Variants in CGNL1 observed in about 807,000 individuals in gnomAD.
The protein encoded by CGNL1 is cingulin-like protein 1.
Under a neutral mutation model 141.2 loss-of-function variants are expected in CGNL1, and 132 were observed. The ratio of observed to expected loss-of-function variants is 0.93; its 90% CI spans 0.81 to 1.08. The LOEUF is 1.08. CGNL1 is among the 50% of genes least tolerant of loss of function. The pLI, the probability that CGNL1 is intolerant of heterozygous loss-of-function variation, is 0.00. For synonymous variants in CGNL1, 690 were observed against 622.1 expected (o/e 1.11, Z -1.63); for missense variants, 1,870 against 1,588.6 (o/e 1.18, Z -3.01).
intron 8 of CGNL1, among the ~76,000 whole-genome samples, chr15:57,500,334 G>A (rs984484464): frequency 1.3e-4 from 20 of 152,232 alleles, no homozygotes; most frequent in African/African-American, 3.6e-4. Context: ...TTGTCAGGGA[G>A]TGGGAGAGGA....
At chr15:57,457,230 C>G (rs117697929) in intron 7 of CGNL1, among the ~76,000 whole-genome samples, 6 of 152,280 alleles carry the variant, frequency 3.9e-5, no homozygotes. Context: ...TGATGTGGCA[C>G]GCTCATGCAC....
rs186540810 is a variant in CGNL1 at position 57,450,789 on chromosome 15, T to G, written c.1804-711T>G. Among the ~76,000 whole-genome samples, 265 of 152,254 alleles carry G rather than the reference T, an allele frequency of 1.7e-3. 3 individuals are homozygous for G. The highest frequency in any genetic ancestry group is 3.1e-4 in the Non-Finnish European group (21 of 68,018). ...ATATTTTTGTCTAGCTTTCATAGTT[T>G]TTGCTGGGAGGGTAAATCTGATATT... On this transcript the variant is annotated intron_variant, in intron 4 of 18. Coordinates refer to ENST00000281282, the MANE Select transcript of CGNL1 (RefSeq NM_032866.5).
intron 12 of CGNL1, chr15:57,527,227 T>C (rs1441568952): frequency 6.6e-6 from 1 of 150,536 alleles, no homozygotes; most frequent in Non-Finnish European, 1.5e-5. Context: ...TCTTCAAGGC[T>C]AGGCTGTTCT....
intron 8 of CGNL1, among the ~76,000 whole-genome samples, chr15:57,467,446 C>T (rs2063523510): frequency 6.6e-6 from 1 of 152,048 alleles, no homozygotes; most frequent in Non-Finnish European, 1.5e-5. Context: ...AGTGAGATGT[C>T]TGGGCTGGGC....
At chr15:57,489,641 T>C (rs1246128298) in intron 8 of CGNL1, among the ~76,000 whole-genome samples, 4 of 152,222 alleles carry the variant, frequency 2.6e-5, no homozygotes, top group Non-Finnish European at 5.9e-5. Flanking sequence ...ATATTAGTTG[T>C]CCCATCACTG....
chr15:57,402,093 A>G (rs1301917140), intron 1 of CGNL1: 1 of 152,210 alleles, frequency 6.6e-6, no homozygotes, highest in East Asian at 1.9e-4. Context: ...GTCCCCTGTA[A>G]ATCTCATGTT....
chr15:57,503,385 GTGC>G (rs2064054700), intron 8 of CGNL1, among the ~76,000 whole-genome samples: 1 of 152,220 alleles, frequency 6.6e-6, no homozygotes, highest in African/African-American at 2.4e-5. Flanking sequence ...GCCAGATGCA[GTGC>G]TTGTGGTCCA....
chr15:57,545,399 C>T (rs1196392695), intron 16 of CGNL1, among the ~76,000 whole-genome samples, 193 bp from the exon 17 acceptor site: 1 of 152,196 alleles, frequency 6.6e-6, no homozygotes, highest in Non-Finnish European at 1.5e-5. Flanking sequence ...GCCAGTCACT[C>T]CCCTTCTCAG....
intron 1 of CGNL1, among the ~76,000 whole-genome samples, chr15:57,383,415 C>T (rs184587128): frequency 6.6e-6 from 1 of 151,540 alleles, no homozygotes; most frequent in East Asian, 2.0e-4. Context: ...TCTCCTGCCT[C>T]AGCCTACTGA....
intron 1 of CGNL1, among the ~76,000 whole-genome samples, chr15:57,390,623 T>C (rs1462777996): frequency 6.6e-6 from 1 of 152,098 alleles, no homozygotes; most frequent in African/African-American, 2.4e-5. Context: ...AACTAGCCTT[T>C]TGGGAGCTTG....
chr15:57,425,458 C>A (rs2062961984), intron 1 of CGNL1, among the ~76,000 whole-genome samples: 1 of 152,160 alleles, frequency 6.6e-6, no homozygotes, highest in Non-Finnish European at 1.5e-5. Flanking sequence ...TATCTACATT[C>A]AGGCCAGGTG....
Position 57,547,046 on chromosome 15 carries a change from A to G in CGNL1, c.3774-309A>G, listed in dbSNP as rs1410471636. 3.3e-5 allele frequency among the ~76,000 whole-genome samples: 5 copies of G among 152,242 alleles called. No individual in the cohort carries two copies. In the East Asian group the frequency reaches 9.6e-4, roughly 29 times the overall value. ...ATTTAAAAGATAATGCATGCAATCC[A>G]TGGTGAACAAGATACCAAAATTTTA... is the stretch of plus-strand genomic sequence containing the variant. On this transcript the variant is annotated intron_variant, in intron 18 of 18. Transcript: ENST00000281282.
chr15:57,473,566 G>A (rs1300669039), intron 8 of CGNL1, among the ~76,000 whole-genome samples: 1 of 152,164 alleles, frequency 6.6e-6, no homozygotes, highest in Non-Finnish European at 1.5e-5. Flanking sequence ...TAACTAATAG[G>A]ATATTATGGA....
intron 8 of CGNL1, among the ~76,000 whole-genome samples, chr15:57,516,519 G>A (rs766188337): frequency 6.6e-5 from 10 of 152,262 alleles, no homozygotes; most frequent in African/African-American, 1.4e-4. Flanking sequence ...GCAACCACTC[G>A]GCCCTGCTGT....
intron 7 of CGNL1, 66 bp from the exon 8 acceptor site, chr15:57,461,614 G>T: frequency 7.4e-7 from 1 of 1,352,476 alleles, no homozygotes; most frequent in African/African-American, 1.4e-5. Context: ...AACTGGAGGG[G>T]AGATACAGGG....
intron 1 of CGNL1, among the ~76,000 whole-genome samples, chr15:57,404,491 A>C (rs1280766052): frequency 6.6e-6 from 1 of 152,244 alleles, no homozygotes; most frequent in Non-Finnish European, 1.5e-5. Flanking sequence ...GTGCTTATTG[A>C]AAAATATGGA....
At chr15:57,380,706 A>G (rs2062414921) in intron 1 of CGNL1, among the ~76,000 whole-genome samples, 1 of 152,186 alleles carries the variant, frequency 6.6e-6, no homozygotes, top group Admixed American at 6.5e-5. Context: ...AGGTGGAGGA[A>G]GAGAACAGAT....
At chr15:57,441,732 G>A (rs1172637810) in intron 3 of CGNL1, among the ~76,000 whole-genome samples, 1 of 152,142 alleles carries the variant, frequency 6.6e-6, no homozygotes, top group Non-Finnish European at 1.5e-5. Flanking sequence ...ACATTGGTAA[G>A]ACAGACTTTA....
At chr15:57,488,743 G>T (rs764946648) in intron 8 of CGNL1, among the ~76,000 whole-genome samples, 3 of 152,254 alleles carry the variant, frequency 2.0e-5, no homozygotes, top group African/African-American at 7.2e-5. Context: ...AAGCTAAACA[G>T]GCCCTTAAGA....
Sources: allele counts gnomAD v4.1 joint callset (sites outside exome capture counted in the v4.1 genomes callset), GRCh38; gene constraint gnomAD v4.1.1; transcripts MANE v1.5; gene names NCBI Gene and HGNC (gene_info 2026-07-23, HGNC 2026-07-21).